YES1: variants seen among roughly 807,000 people sequenced by gnomAD.
YES1 encodes the protein YES proto-oncogene 1, Src family tyrosine kinase, also known as tyrosine-protein kinase Yes.
Under a neutral mutation model 70.4 loss-of-function variants are expected in YES1, and 39 were observed. The ratio of observed to expected loss-of-function variants is 0.55; its 90% CI spans 0.43 to 0.72. YES1 has a LOEUF of 0.72. Ranked by LOEUF, YES1 falls within the 30% of genes least tolerant of loss-of-function variation. The pLI, the probability that YES1 is intolerant of heterozygous loss-of-function variation, is 0.00. For missense variants in YES1, 495 were observed against 644.8 expected, an observed-to-expected ratio of 0.77 and a Z score of 2.52; for synonymous variants, 198 against 218.6, an observed-to-expected ratio of 0.91 and a Z score of 0.83.
intron 1 of YES1, among the ~76,000 whole-genome samples, chr18:761,514 C>T (rs1434965321): frequency 1.3e-5 from 2 of 152,120 alleles, no homozygotes; most frequent in Non-Finnish European, 1.5e-5. Context: ...CCTCAGTTTC[C>T]ATTCCCAGCT....
intron 3 of YES1, among the ~76,000 whole-genome samples, chr18:749,583 C>T (rs1035491228): frequency 5.3e-5 from 8 of 151,978 alleles, no homozygotes; most frequent in South Asian, 4.2e-4. Flanking sequence ...AGGCTGGGCG[C>T]GGTGGCTCAC....
chr18:765,677 C>T (rs1315919297), intron 1 of YES1, among the ~76,000 whole-genome samples: 1 of 152,082 alleles, frequency 6.6e-6, no homozygotes, highest in African/African-American at 2.4e-5. Flanking sequence ...GGATTACAGG[C>T]GTGAGCCACC....
At chr18:754,637 G>A (rs1259675869) in intron 2 of YES1, among the ~76,000 whole-genome samples, 1 of 151,738 alleles carries the variant, frequency 6.6e-6, no homozygotes. Flanking sequence ...CTTGAACCTG[G>A]GAGGCAGAAG....
intron 1 of YES1, among the ~76,000 whole-genome samples, chr18:779,315 G>C (rs2145793629): frequency 6.6e-6 from 1 of 151,118 alleles, no homozygotes; most frequent in Admixed American, 6.6e-5. Context: ...GAGGTGGGAG[G>C]ACAGCTTGAG....
intron 1 of YES1, among the ~76,000 whole-genome samples, chr18:761,424 T>C (rs1187156606): frequency 2.0e-5 from 3 of 152,186 alleles, no homozygotes; most frequent in African/African-American, 7.2e-5. Flanking sequence ...CCAGTAATAC[T>C]GTAATTTAAA....
intron 1 of YES1, among the ~76,000 whole-genome samples, chr18:764,893 C>A (rs553897257): frequency 2.0e-5 from 3 of 151,814 alleles, no homozygotes; most frequent in East Asian, 3.9e-4. Context: ...CCACCACACC[C>A]GGCTAATTTT....
At chr18:805,391 G>A (rs1176180351) in intron 1 of YES1, among the ~76,000 whole-genome samples, 1 of 152,176 alleles carries the variant, frequency 6.6e-6, no homozygotes, top group Non-Finnish European at 1.5e-5. Context: ...ATATAGGGCA[G>A]CTCTACTATA....
At chr18:737,109 C>A in intron 9 of YES1, 148 bp from the exon 10 acceptor site, 1 of 646,294 alleles carries the variant, frequency 1.5e-6, no homozygotes, top group Non-Finnish European at 2.5e-6. Context: ...TAGAAGATAA[C>A]AGGAAAACCA....
chr18:803,589 G>A (rs946806306), intron 1 of YES1, among the ~76,000 whole-genome samples: 2 of 152,212 alleles, frequency 1.3e-5, no homozygotes, highest in African/African-American at 4.8e-5. Context: ...CTAGCAAGCA[G>A]GTGGGGAAAC....
At chr18:791,373 C>T (rs1906240982) in intron 1 of YES1, among the ~76,000 whole-genome samples, 1 of 152,164 alleles carries the variant, frequency 6.6e-6, no homozygotes, top group Non-Finnish European at 1.5e-5. Flanking sequence ...CATTAGGCAG[C>T]TGCTATGTGC....
intron 1 of YES1, among the ~76,000 whole-genome samples, chr18:806,099 A>G (rs1907083422): frequency 1.3e-5 from 2 of 152,234 alleles, no homozygotes. Context: ...CAAGAAAATC[A>G]GGACTTCTTT....
At chr18:795,860 T>C (rs1347992031) in intron 1 of YES1, among the ~76,000 whole-genome samples, 1 of 151,216 alleles carries the variant, frequency 6.6e-6, no homozygotes, top group Non-Finnish European at 1.5e-5. Flanking sequence ...CCATGGCACA[T>C]GTGTACCCAT....
intron 1 of YES1, among the ~76,000 whole-genome samples, chr18:763,220 C>T (rs1044382780): frequency 1.3e-5 from 2 of 152,072 alleles, no homozygotes; most frequent in African/African-American, 2.4e-5. Context: ...ATTTGTTATG[C>T]AATAACTTTT....
chr18:769,799 T>A (rs1322884975), intron 1 of YES1, among the ~76,000 whole-genome samples: 2 of 152,178 alleles, frequency 1.3e-5, no homozygotes, highest in African/African-American at 4.8e-5. Context: ...ATATTACCCT[T>A]TTATATATTC....
chr18:737,030 G>T, intron 9 of YES1, 69 bp from the exon 10 acceptor site: 2 of 1,289,114 alleles, frequency 1.6e-6, no homozygotes, highest in Non-Finnish European at 1.1e-6. Flanking sequence ...GACAATTATG[G>T]TTAATATCAA....
At chr18:761,651 T>C (rs1280816768) in intron 1 of YES1, among the ~76,000 whole-genome samples, 1 of 152,158 alleles carries the variant, frequency 6.6e-6, no homozygotes, top group Non-Finnish European at 1.5e-5. Context: ...CCAGCCTCAT[T>C]TTCTTAATCC....
At position 776,528 on chromosome 18, in the gene YES1, T is replaced by G. The variant is rs146390244; in HGVS notation, c.-8-19693A>C. On this transcript the variant is annotated intron_variant, in intron 1 of 11. Transcript: ENST00000314574. ...TTATCCATTGTTCTATAGGGTTGTC[T>G]GTCCTTTTCTTATTGACTTGTAAGG... is the stretch of plus-strand genomic sequence containing the variant. Among the ~76,000 whole-genome samples the G allele has an allele frequency of 2.2e-3, 330 of 152,342 alleles. 2 individuals carry two copies. Among genetic ancestry groups the G allele is most frequent in the African/African-American group, 6.9e-3 (287 of 41,566 alleles).
chr18:745,497 A>G (rs2080268161), intron 6 of YES1, among the ~76,000 whole-genome samples: 1 of 152,212 alleles, frequency 6.6e-6, no homozygotes, highest in South Asian at 2.1e-4. Flanking sequence ...TAAGGACCCA[A>G]ATGATGAGAG....
chr18:732,670 G>C (rs2080106427), intron 11 of YES1, among the ~76,000 whole-genome samples, 164 bp downstream of exon 11: 1 of 152,026 alleles, frequency 6.6e-6, no homozygotes. Flanking sequence ...CAATGCCACA[G>C]TTACCCATCC....
Sources: gnomAD v4.1 joint callset for allele counts (sites outside exome capture counted in the v4.1 genomes callset) on GRCh38, gnomAD v4.1.1 for gene constraint, MANE v1.5 for transcripts, NCBI Gene and HGNC (gene_info 2026-07-23, HGNC 2026-07-21) for gene names.